LMBR1: variants seen among roughly 807,000 people sequenced by gnomAD.
The protein encoded by LMBR1 is limb region 1 protein homolog.
A neutral mutation model predicts 73.9 loss-of-function variants in LMBR1; 52 were observed. The observed-to-expected ratio is 0.70, with a 90% CI of 0.56 to 0.89. The LOEUF is 0.89. Among genes scored for constraint, LMBR1 ranks in the 40% least tolerant of loss-of-function variants. LMBR1 has a pLI of 0.00. For missense variants in LMBR1, 539 were observed against 579.8 expected (o/e 0.93, Z 0.72); for synonymous variants, 215 against 209.4 (o/e 1.03, Z -0.23).
rs73744312 is a variant in LMBR1 at position 156,672,660 on chromosome 7, A to G, written n.867-3373T>C. ...AGGCATCCTGTAGAGAGAGCGATAC[A>G]CTCACGTATGATAGAATATATGCAC... On this transcript the variant is annotated intron_variant and non_coding_transcript_variant, in intron 4 of 4. Coordinates refer to the LMBR1 transcript ENST00000430825. Among the ~76,000 whole-genome samples the G allele has an allele frequency of 8.9e-3, 1,355 of 152,332 alleles. 20 individuals carry two copies. The highest frequency in any genetic ancestry group is 0.031 in the African/African-American group (1,306 of 41,570).
intron 7 of LMBR1, among the ~76,000 whole-genome samples, chr7:156,762,758 T>C (rs73166129): frequency 0.04 from 6,147 of 152,170 alleles, 180 homozygotes; most frequent in Non-Finnish European, 0.049. Context: ...GGTGAGGCTA[T>C]AGCATGTGTG....
intron 5 of LMBR1, among the ~76,000 whole-genome samples, chr7:156,774,775 T>A (rs1260963111): frequency 6.6e-6 from 1 of 151,970 alleles, no homozygotes; most frequent in Admixed American, 6.6e-5. Flanking sequence ...AAGGTTGCAG[T>A]GAGCCAAGAT....
intron 9 of LMBR1, among the ~76,000 whole-genome samples, chr7:156,735,615 TTTTTTG>T (rs576994327): frequency 1.6e-3 from 247 of 151,202 alleles, no homozygotes; most frequent in Non-Finnish European, 3.1e-3. Flanking sequence ...TTGCTAGGGT[TTTTTTG>T]TTTTTGTTTT....
intron 5 of LMBR1, among the ~76,000 whole-genome samples, chr7:156,784,453 C>T (rs1827718048): frequency 1.3e-5 from 2 of 152,138 alleles, no homozygotes; most frequent in African/African-American, 2.4e-5. Context: ...ACTCTCACAT[C>T]ACCAGTACCC....
chr7:156,735,774 T>TC (rs138616800), intron 9 of LMBR1, among the ~76,000 whole-genome samples: 2,904 of 152,270 alleles, frequency 0.019, 88 homozygotes, highest in African/African-American at 0.067. Flanking sequence ...TTTTTACCTA[T>TC]CTTGCTTGCT....
Position 156,680,935 on chromosome 7 carries a change from T to C in LMBR1, c.*3143A>G, listed in dbSNP as rs1037773776. On this transcript the variant is annotated 3_prime_UTR_variant, in exon 17 of 17. Coordinates refer to ENST00000353442, the MANE Select transcript of LMBR1 (RefSeq NM_022458.4). The stretch of plus-strand genomic sequence containing the variant: ...GACATTTAAAAAGTCACACTAAAAG[T>C]ATCTCATAGAAACAAAGACTAACAA... The C allele has an allele frequency of 2.0e-4, 53 of 263,904 alleles. No individual in the cohort carries two copies. Among genetic ancestry groups the C allele is most frequent in the African/African-American group, 1.2e-3 (51 of 42,628 alleles). 16.3% of individuals were successfully genotyped at this position (263,904 alleles called of 1,614,324 possible).
At chr7:156,891,223 T>C (rs867137860) in intron 1 of LMBR1, among the ~76,000 whole-genome samples, 1,012 of 66,884 alleles carry the variant, frequency 0.015, 17 homozygotes, top group East Asian at 0.046. Flanking sequence ...TATATATATA[T>C]ATATATATAT....
chr7:156,822,080 G>T (rs1834886283), intron 4 of LMBR1, among the ~76,000 whole-genome samples: 1 of 152,156 alleles, frequency 6.6e-6, no homozygotes, highest in South Asian at 2.1e-4. Flanking sequence ...ACATGCCTTT[G>T]CTTACGAAAA....
chr7:156,826,644 T>A lies in LMBR1; in HGVS notation c.280A>T (p.Asn94Tyr), dbSNP rs748052405. The A allele has an allele frequency of 6.3e-7, 1 of 1,595,642 alleles. No individual in the cohort carries two copies. Among genetic ancestry groups the A allele is most frequent in the Non-Finnish European group, 8.6e-7 (1 of 1,169,454 alleles). ...CCATTTAGCCACTGAATATAGTAGT[T>A]CTGAGGAAAAGAAAGCAGGATTTCA... ...SNEILLSFPQ[N>Y]YYIQWLNGSL... Residue 94 changes from asparagine to tyrosine, a missense_variant, in exon 4 of 17, where the codon AAC (asparagine) becomes TAC (tyrosine). Asn to Tyr is a moderately radical substitution (Grantham distance 143). Transcript: ENST00000353442.
chr7:156,820,323 G>A lies in LMBR1; in HGVS notation c.319+6282C>T, dbSNP rs532868516. Among the ~76,000 whole-genome samples the A allele has an allele frequency of 4.6e-5, 7 of 152,238 alleles. No homozygotes were observed. The South Asian group carries it at 8.3e-4, about 18-fold the overall frequency. On this transcript the variant is annotated intron_variant, in intron 4 of 16. Coordinates refer to ENST00000353442, the MANE Select transcript of LMBR1 (RefSeq NM_022458.4). ...TTTCAGCTGACAAGGCCAGCAATAC[G>A]CCTTCACTGCCCTACGTCAAGGGTA...
intron 4 of LMBR1, chr7:156,822,880 A>C (rs1835021447): frequency 6.6e-6 from 1 of 152,134 alleles, no homozygotes; most frequent in South Asian, 2.1e-4. Context: ...GAGGCCGAAG[A>C]GGGTGGATCA....
At chr7:156,763,819 A>C (rs1823584204) in intron 5 of LMBR1, 24 bp from the exon 6 acceptor site, 3 of 1,562,002 alleles carry the variant, frequency 1.9e-6, no homozygotes, top group Non-Finnish European at 2.6e-6. Flanking sequence ...TAGAAATATA[A>C]TTTTAGTATT....
At chr7:156,674,730 G>A (rs528243341), downstream of LMBR1, among the ~76,000 whole-genome samples, 2 of 152,268 alleles carry the variant, frequency 1.3e-5, no homozygotes, top group East Asian at 1.9e-4. Flanking sequence ...ATTAATAAAC[G>A]TTGAAGTGAT....
chr7:156,780,815 T>C (rs1826993961), intron 5 of LMBR1, among the ~76,000 whole-genome samples: 1 of 152,208 alleles, frequency 6.6e-6, no homozygotes, highest in Non-Finnish European at 1.5e-5. Context: ...CAGGGCCCTG[T>C]GCTTTCCACC....
intron 4 of LMBR1, among the ~76,000 whole-genome samples, chr7:156,797,092 G>A (rs1023512025): frequency 1.3e-5 from 2 of 152,146 alleles, no homozygotes; most frequent in African/African-American, 4.8e-5. Flanking sequence ...CCAAGTGGCA[G>A]AGCTGACTTA....
rs554649715 is a variant in LMBR1 at position 156,684,282 on chromosome 7, G to A, written c.1388-119C>T. On this transcript the variant is annotated intron_variant, in intron 16 of 16. Coordinates refer to ENST00000353442, the MANE Select transcript of LMBR1 (RefSeq NM_022458.4). ...AGTGTTATTTGGAAAGCTGTGAGGTGCTGGCCAGATCCCCTTGAGGAATGA... is the reference window on the plus strand; with the variant it reads ...AGTGTTATTTGGAAAGCTGTGAGGTACTGGCCAGATCCCCTTGAGGAATGA... The A allele has an allele frequency of 9.0e-6, 7 of 776,400 alleles. No homozygotes were observed. In the African/African-American group the frequency reaches 1.2e-4, roughly 13 times the overall value. The allele number at this position is 776,400 out of a possible 1,614,324, so 48.1% of individuals were successfully genotyped here. A position where few individuals can be genotyped will look rare whatever the true frequency, so the allele number is the denominator to read the frequency against.
intron 15 of LMBR1, among the ~76,000 whole-genome samples, chr7:156,703,063 T>C (rs1293534999): frequency 6.6e-6 from 1 of 152,206 alleles, no homozygotes; most frequent in Admixed American, 6.5e-5. Context: ...ATCCAGGCCA[T>C]TGGAGAGCAC....
At position 156,873,049 on chromosome 7, in the gene LMBR1, G is replaced by A. The variant is rs151173957; in HGVS notation, c.66+19879C>T. The stretch of plus-strand genomic sequence containing the variant: ...TGGCACGTCTGGAGTCTGTCCCTTC[G>A]TGGTCGCCAAAATGTGTCCGGAATT... On this transcript the variant is annotated intron_variant, in intron 1 of 16. Coordinates refer to ENST00000353442, the MANE Select transcript of LMBR1 (RefSeq NM_022458.4). Among the ~76,000 whole-genome samples the A allele has an allele frequency of 4.7e-3, 712 of 151,756 alleles. 9 individuals carry two copies. The highest frequency in any genetic ancestry group is 0.017 in the African/African-American group (690 of 41,340).
intron 9 of LMBR1, among the ~76,000 whole-genome samples, chr7:156,735,664 A>G (rs2132517998): frequency 6.7e-6 from 1 of 148,490 alleles, no homozygotes; most frequent in South Asian, 2.1e-4. Context: ...CATCTTCCTT[A>G]TGAATCATAT....
Sources: allele counts gnomAD v4.1 joint callset (sites outside exome capture counted in the v4.1 genomes callset), GRCh38; gene constraint gnomAD v4.1.1; transcripts MANE v1.5; gene names NCBI Gene and HGNC (gene_info 2026-07-23, HGNC 2026-07-21).